Variants in HYAL4 observed in about 807,000 individuals in gnomAD.
The protein encoded by HYAL4 is hyaluronidase 4, also known as hyaluronidase-4.
In HYAL4, 37 loss-of-function variants were observed where a neutral mutation model predicts 35.2. The ratio of observed to expected loss-of-function variants is 1.05; its 90% CI spans 0.81 to 1.38. The LOEUF is 1.38. HYAL4 is among the 40% of genes most tolerant of loss of function. The probability of loss-of-function intolerance (pLI) is 0.00; values close to 1 mark genes in which losing one functional copy is unlikely to be tolerated. For synonymous variants in HYAL4, 198 were observed against 203.2 expected (o/e 0.97, Z 0.22); for missense variants, 572 against 572.4 (o/e 1.00, Z 0.01).
chr7:123,793,045 C>T, the HYAL4 span, among the ~76,000 whole-genome samples: 2 of 152,278 alleles, frequency 1.3e-5, no homozygotes, highest in Admixed American at 6.5e-5. Flanking sequence ...GGATTGAGCT[C>T]TCTTCTACAG....
At position 123,868,774 on chromosome 7, in the gene HYAL4, A is replaced by G; in HGVS notation, c.501A>G (p.Ser167=). 1 of 1,614,218 alleles carries G rather than the reference A, an allele frequency of 6.2e-7. No homozygotes were observed. ...CAAAAGATGTTTACAGACAGAAGTC[A>G]AGAAAGCTTATTTCCGATATGGGAA... ...WNSKDVYRQK[S]RKLISDMGKN... Residue 167 remains serine (S), a synonymous_variant, in exon 3 of 5, where the codon TCA becomes TCG. Transcript: ENST00000223026.
the HYAL4 span, among the ~76,000 whole-genome samples, chr7:123,793,556 C>T: frequency 6.6e-6 from 1 of 152,138 alleles, no homozygotes; most frequent in Non-Finnish European, 1.5e-5. Context: ...GCCTCATACT[C>T]TTTTCATGAT....
At chr7:123,787,952 G>A in the HYAL4 span, among the ~76,000 whole-genome samples, 1 of 152,192 alleles carries the variant, frequency 6.6e-6, no homozygotes, top group South Asian at 2.1e-4. Context: ...CATGGGTCTT[G>A]AGGATAAGAG....
At chr7:123,807,432 G>GTTTTTTTTTTTTTTTTTT in the HYAL4 span, among the ~76,000 whole-genome samples, 2 of 120,802 alleles carry the variant, frequency 1.7e-5, no homozygotes, top group East Asian at 2.4e-4. Flanking sequence ...ACTTTTTATG[G>GTTTTTTTTTTTTTTTTTT]TTTTTTTTTT....
At chr7:123,770,606 TCA>T in the HYAL4 span, among the ~76,000 whole-genome samples, 1 of 151,884 alleles carries the variant, frequency 6.6e-6, no homozygotes, top group Non-Finnish European at 1.5e-5. Flanking sequence ...CAGGGCGTAA[TCA>T]CACAATGAAG....
the HYAL4 span, among the ~76,000 whole-genome samples, chr7:123,779,790 A>G: frequency 1.3e-5 from 2 of 152,164 alleles, no homozygotes; most frequent in Admixed American, 6.5e-5. Context: ...TTGGATTTAC[A>G]TAGTACCTTT....
chr7:123,853,027 G>A (rs913130280), intron 2 of HYAL4, among the ~76,000 whole-genome samples: 2 of 152,036 alleles, frequency 1.3e-5, no homozygotes, highest in Admixed American at 1.3e-4. Context: ...TCATGATTTG[G>A]CTCTCCGTTG....
At position 123,832,088 on chromosome 7, in the gene HYAL4, A is replaced by G. The variant is rs1230698253; in HGVS notation, c.-257+2964A>G. Among the ~76,000 whole-genome samples, 9 of 152,238 alleles carry G rather than the reference A, an allele frequency of 5.9e-5. No homozygotes were observed. The South Asian group carries it at 1.5e-3, about 25-fold the overall frequency. On this transcript the variant is annotated intron_variant, in intron 1 of 4. Coordinates refer to the HYAL4 transcript ENST00000489978. ...TCTTTACTTAAATGTCTTGGGGTCA[A>G]ATGTCTCTACTGCTTGCCATTCTAT...
At position 123,837,078 on chromosome 7, in the gene HYAL4, A is replaced by T. The variant is rs79801266; in HGVS notation, c.-256-7167A>T. Among the ~76,000 whole-genome samples, 172 of 152,304 alleles carry T rather than the reference A, an allele frequency of 1.1e-3. 3 individuals are homozygous for T. In the East Asian group the frequency reaches 0.012, roughly 10 times the overall value. On this transcript the variant is annotated intron_variant, in intron 1 of 4. Transcript: ENST00000489978. ...AAAAAAAAGATTTGGGCTCCTTTTAACAGTTCTTGTAGTTCTGCCTTGGTA... is the reference window on the plus strand; with the variant it reads ...AAAAAAAAGATTTGGGCTCCTTTTATCAGTTCTTGTAGTTCTGCCTTGGTA...
chr7:123,877,093 C>T lies in HYAL4; in HGVS notation c.1384C>T (p.Pro462Ser). The change falls in exon 5 of 5, where the codon CCT becomes TCT. Residue 462 changes from proline (P) to serine (S), a missense_variant. Pro to Ser is a moderately conservative substitution (Grantham distance 74, BLOSUM62 -1). Coordinates refer to ENST00000223026, the MANE Select transcript of HYAL4 (RefSeq NM_012269.3). Reference sequence around the variant, plus strand: ...TGGCTGCTCTGGGGTTTCCCCTTCTCCTGGTTCACTAATGACACTTTGTCT... The same window carrying T: ...TGGCTGCTCTGGGGTTTCCCCTTCTTCTGGTTCACTAATGACACTTTGTCT... ...ADGCSGVSPS[P>S]GSLMTLCLLL... The T allele has an allele frequency of 1.2e-6, 2 of 1,614,122 alleles. No homozygotes were observed. Among genetic ancestry groups the T allele is most frequent in the Non-Finnish European group, 1.7e-6 (2 of 1,180,006 alleles).
intron 3 of HYAL4, among the ~76,000 whole-genome samples, chr7:123,872,351 T>C (rs574246287): frequency 6.6e-6 from 1 of 152,376 alleles, no homozygotes; most frequent in South Asian, 2.1e-4. Context: ...AGGAGTTTCC[T>C]TGCCTATAGA....
the HYAL4 span, among the ~76,000 whole-genome samples, chr7:123,791,270 T>G: frequency 3.3e-5 from 5 of 152,204 alleles, no homozygotes; most frequent in African/African-American, 1.2e-4. Context: ...ATGAGTCATG[T>G]CAACATGGGC....
chr7:123,830,663 A>G (rs1196072887), intron 1 of HYAL4, among the ~76,000 whole-genome samples: 1 of 152,186 alleles, frequency 6.6e-6, no homozygotes, highest in Admixed American at 6.5e-5. Flanking sequence ...TATTCATTTC[A>G]CAAGCAGTAT....
At chr7:123,768,077 G>A in the HYAL4 span, among the ~76,000 whole-genome samples, 2 of 152,046 alleles carry the variant, frequency 1.3e-5, no homozygotes, top group African/African-American at 2.4e-5. Context: ...TACCACAAAG[G>A]TATGTGAATA....
chr7:123,846,547 A>C (rs1806178076), intron 1 of HYAL4, among the ~76,000 whole-genome samples: 1 of 152,112 alleles, frequency 6.6e-6, no homozygotes, highest in Non-Finnish European at 1.5e-5. Context: ...AGCAAGACTG[A>C]GAACTTGCCC....
intron 2 of HYAL4, among the ~76,000 whole-genome samples, chr7:123,857,669 G>GTTTGTTTGTTTGTTTC (rs1283770130): frequency 8.0e-5 from 10 of 124,740 alleles, no homozygotes; most frequent in East Asian, 4.6e-4. Flanking sequence ...TTCTTTGTTT[G>GTTTGTTTGTTTGTTTC]TTTCTTTCTT....
upstream of HYAL4, among the ~76,000 whole-genome samples, chr7:123,828,199 A>G (rs1156895412): frequency 6.6e-6 from 1 of 152,188 alleles, no homozygotes; most frequent in Non-Finnish European, 1.5e-5. Flanking sequence ...GGTGTAAATA[A>G]TGATCTTTTA....
the HYAL4 span, among the ~76,000 whole-genome samples, chr7:123,807,432 G>GTTT: frequency 6.1e-4 from 74 of 120,760 alleles, 1 homozygote; most frequent in African/African-American, 1.7e-3. Flanking sequence ...ACTTTTTATG[G>GTTT]TTTTTTTTTT....
At chr7:123,808,194 A>G in the HYAL4 span, among the ~76,000 whole-genome samples, 1 of 152,042 alleles carries the variant, frequency 6.6e-6, no homozygotes, top group Non-Finnish European at 1.5e-5. Flanking sequence ...ACCTTTGTTG[A>G]TTAAAAGTTC....
Sources: gnomAD v4.1 joint callset for allele counts (sites outside exome capture counted in the v4.1 genomes callset) on GRCh38, gnomAD v4.1.1 for gene constraint, MANE v1.5 for transcripts, NCBI Gene and HGNC (gene_info 2026-07-23, HGNC 2026-07-21) for gene names.